AFF3: variants seen among roughly 807,000 people sequenced by gnomAD.
AFF3 encodes the protein AF4/FMR2 family member 3.
Under a neutral mutation model 129.7 loss-of-function variants are expected in AFF3, and 32 were observed. The ratio of observed to expected loss-of-function variants is 0.25; its 90% CI spans 0.19 to 0.33. The LOEUF (loss-of-function observed/expected upper bound fraction) is 0.33, where lower values mean the gene tolerates loss of function less well. Ranked by LOEUF, AFF3 falls within the 10% of genes least tolerant of loss-of-function variation. AFF3 has a pLI of 1.00. For missense variants in AFF3, 1,373 were observed against 1,592.0 expected, an observed-to-expected ratio of 0.86 and a Z score of 2.34; for synonymous variants, 644 against 635.4, an observed-to-expected ratio of 1.01 and a Z score of -0.20.
chr2:99,936,304 C>G, intron 7 of AFF3, among the ~76,000 whole-genome samples: 1 of 152,248 alleles, frequency 6.6e-6, no homozygotes, highest in Middle Eastern at 3.4e-3. Flanking sequence ...CAGGAATCCC[C>G]AGGAAATCTG....
At chr2:100,061,854 T>TGGGG (rs869209436) in intron 4 of AFF3, among the ~76,000 whole-genome samples, 1 of 75,722 alleles carries the variant, frequency 1.3e-5, no homozygotes, top group East Asian at 4.1e-4. Flanking sequence ...GGTAGCACAG[T>TGGGG]GGAGGGGGGG....
intron 11 of AFF3, among the ~76,000 whole-genome samples, chr2:99,712,354 C>T (rs2060599730): frequency 6.6e-6 from 1 of 152,230 alleles, no homozygotes; most frequent in South Asian, 2.1e-4. Flanking sequence ...TCAGTTTCCT[C>T]ATCTGTAAAT....
intron 7 of AFF3, among the ~76,000 whole-genome samples, chr2:99,907,170 T>G (rs1694776415): frequency 6.6e-6 from 1 of 152,154 alleles, no homozygotes; most frequent in Non-Finnish European, 1.5e-5. Flanking sequence ...CTTTTTATCC[T>G]AACGGAGGTG....
At chr2:100,123,955 T>G (rs1692083181) in intron 2 of AFF3, among the ~76,000 whole-genome samples, 1 of 148,694 alleles carries the variant, frequency 6.7e-6, no homozygotes, top group Non-Finnish European at 1.5e-5. Flanking sequence ...AAAAGTGCTC[T>G]AATTAATATG....
chr2:99,639,639 T>C (rs969683204), intron 13 of AFF3, among the ~76,000 whole-genome samples: 1 of 152,144 alleles, frequency 6.6e-6, no homozygotes, highest in Non-Finnish European at 1.5e-5. Flanking sequence ...GCTGGAAAGG[T>C]GTCAGGATAT....
At chr2:100,130,347 A>G (rs1298642094) in intron 1 of AFF3, among the ~76,000 whole-genome samples, 2 of 152,100 alleles carry the variant, frequency 1.3e-5, no homozygotes, top group Non-Finnish European at 2.9e-5. Flanking sequence ...TTTCTGCCAG[A>G]CCAGATACTC....
At chr2:99,885,330 C>T (rs149836786) in intron 7 of AFF3, among the ~76,000 whole-genome samples, 25 of 152,294 alleles carry the variant, frequency 1.6e-4, no homozygotes, top group Non-Finnish European at 2.6e-4. Context: ...CACTGTCTTG[C>T]TTGATATGCA....
Position 99,837,537 on chromosome 2 carries a change from A to G in AFF3, c.874-13T>C. The G allele has an allele frequency of 6.2e-7, 1 of 1,601,834 alleles. No homozygotes were observed. Among genetic ancestry groups the G allele is most frequent in the Non-Finnish European group, 8.5e-7 (1 of 1,171,206 alleles). ...CAGATCTACTCTCCTGAAAGCAAAG[A>G]AAAAAAAATTAAGCCTGATGGAATA... On this transcript the variant is annotated splice_polypyrimidine_tract_variant and intron_variant, in intron 7 of 24. Coordinates refer to ENST00000672756, the MANE Select transcript of AFF3 (RefSeq NM_001386135.1).
intron 4 of AFF3, among the ~76,000 whole-genome samples, chr2:100,103,996 T>G: frequency 1.3e-5 from 2 of 148,298 alleles, no homozygotes; most frequent in South Asian, 2.2e-4. Flanking sequence ...CTCCAGGGGG[T>G]CGGTGGTGCC....
chr2:99,801,068 T>C (rs989075719), intron 8 of AFF3, among the ~76,000 whole-genome samples: 1 of 152,214 alleles, frequency 6.6e-6, no homozygotes, highest in African/African-American at 2.4e-5. Flanking sequence ...TATACATATG[T>C]GATATTTTCA....
Position 99,670,905 on chromosome 2 carries a change from T to A in AFF3, c.1143+1633A>T, listed in dbSNP as rs1350812130. On this transcript the variant is annotated intron_variant, in intron 12 of 24. Coordinates refer to ENST00000672756, the MANE Select transcript of AFF3 (RefSeq NM_001386135.1). ...GACCTGTACATTCATAACACAATAT[T>A]ATCAATGAGTACAGAATGGAAGGGG... is the stretch of plus-strand genomic sequence containing the variant. 2.6e-5 allele frequency among the ~76,000 whole-genome samples: 4 copies of A among 152,300 alleles called. No individual in the cohort carries two copies. The East Asian group carries it at 5.8e-4, about 22-fold the overall frequency.
chr2:99,787,490 C>T lies in AFF3; in HGVS notation c.922-35189G>A, dbSNP rs943023409. On this transcript the variant is annotated intron_variant, in intron 8 of 24. Coordinates refer to ENST00000672756, the MANE Select transcript of AFF3 (RefSeq NM_001386135.1). The stretch of plus-strand genomic sequence containing the variant: ...CTCTTTGGTGCATGAGGCTTTAAGG[C>T]GATGTGCCCCCTGCCCAGCTGTTGC... Among the ~76,000 whole-genome samples, 8 of 152,290 alleles carry T rather than the reference C, an allele frequency of 5.3e-5. No homozygotes were observed. In the South Asian group the frequency reaches 8.3e-4, roughly 16 times the overall value.
At chr2:100,093,959 T>G (rs777018156) in intron 4 of AFF3, among the ~76,000 whole-genome samples, 2 of 152,140 alleles carry the variant, frequency 1.3e-5, no homozygotes, top group African/African-American at 4.8e-5. Context: ...CTACTGCACA[T>G]AGACATAGAT....
chr2:99,718,753 A>AT (rs769908112), intron 11 of AFF3, among the ~76,000 whole-genome samples: 2,304 of 142,842 alleles, frequency 0.016, 36 homozygotes, highest in African/African-American at 0.045. Context: ...AGGTTTTTCA[A>AT]TTTTTTTTTT....
intron 13 of AFF3, among the ~76,000 whole-genome samples, chr2:99,603,359 T>A (rs931022138): frequency 6.6e-6 from 1 of 152,200 alleles, no homozygotes; most frequent in Non-Finnish European, 1.5e-5. Context: ...CTGTAGAACC[T>A]GACAGAAACA....
intron 7 of AFF3, among the ~76,000 whole-genome samples, chr2:99,918,516 T>C (rs1695635318): frequency 6.6e-6 from 1 of 152,200 alleles, no homozygotes; most frequent in Non-Finnish European, 1.5e-5. Flanking sequence ...AGAATGTCTG[T>C]TCTCCCGACA....
At chr2:99,576,176 G>A (rs1676970314) in intron 18 of AFF3, among the ~76,000 whole-genome samples, 2 of 151,786 alleles carry the variant, frequency 1.3e-5, no homozygotes. Context: ...GAGATTACAG[G>A]TGCCTGCCAC....
intron 13 of AFF3, among the ~76,000 whole-genome samples, chr2:99,644,855 G>A (rs1684550042): frequency 6.6e-6 from 1 of 152,138 alleles, no homozygotes; most frequent in Admixed American, 6.6e-5. Flanking sequence ...AGTGCAGAGG[G>A]TCCACACCAA....
chr2:100,044,657 G>C lies in AFF3; in HGVS notation c.54-35725C>G, dbSNP rs113501097. On this transcript the variant is annotated intron_variant, in intron 4 of 24. Transcript: ENST00000672756. ...GCTGGTTCACTTGCCAATAATGATC[G>C]ACCTGGCACTCGACTGAGCCTTCAA... 3.7e-3 allele frequency among the ~76,000 whole-genome samples: 569 copies of C among 152,030 alleles called. 3 individuals carry two copies. The highest frequency in any genetic ancestry group is 5.9e-3 in the Non-Finnish European group (398 of 67,968).
Sources: allele counts gnomAD v4.1 joint callset (sites outside exome capture counted in the v4.1 genomes callset), GRCh38; gene constraint gnomAD v4.1.1; transcripts MANE v1.5; gene names NCBI Gene and HGNC (gene_info 2026-07-23, HGNC 2026-07-21).